Variants in CCSER1 observed in about 807,000 individuals in gnomAD.
CCSER1 encodes the protein serine-rich coiled-coil domain-containing protein 1.
CCSER1 carries 41 observed loss-of-function variants against 82.0 expected under a neutral mutation model. The observed-to-expected ratio is 0.50, with a 90% confidence interval of 0.39 to 0.65. The LOEUF is 0.65. CCSER1 is among the 30% of genes least tolerant of loss of function. The pLI is 0.00. For missense variants in CCSER1, 1,119 were observed against 1,064.2 expected, an observed-to-expected ratio of 1.05 and a Z score of -0.72; for synonymous variants, 414 against 383.9, an observed-to-expected ratio of 1.08 and a Z score of -0.92.
At chr4:91,441,182 G>C (rs540105432) in intron 10 of CCSER1, among the ~76,000 whole-genome samples, 1 of 151,968 alleles carries the variant, frequency 6.6e-6, no homozygotes, top group Non-Finnish European at 1.5e-5. Flanking sequence ...GAGAGTTTTA[G>C]ACCAATATCC....
At chr4:91,106,530 GGTCT>G (rs371457777) in intron 10 of CCSER1, among the ~76,000 whole-genome samples, 25 of 151,940 alleles carry the variant, frequency 1.6e-4, no homozygotes, top group African/African-American at 5.8e-4. Flanking sequence ...TCTTTCCCAT[GGTCT>G]GTCTATCTTG....
intron 6 of CCSER1, among the ~76,000 whole-genome samples, chr4:90,650,388 T>C (rs1728525536): frequency 6.6e-6 from 1 of 152,060 alleles, no homozygotes; most frequent in Non-Finnish European, 1.5e-5. Flanking sequence ...AGTTCTTAAT[T>C]AAGGAAAGGA....
chr4:91,402,105 G>A (rs1382186351), intron 10 of CCSER1, among the ~76,000 whole-genome samples: 1 of 152,138 alleles, frequency 6.6e-6, no homozygotes, highest in African/African-American at 2.4e-5. Flanking sequence ...GGTGTGAGAT[G>A]GTATCTCATT....
intron 7 of CCSER1, among the ~76,000 whole-genome samples, chr4:90,789,249 T>C (rs1580473993): frequency 6.6e-6 from 1 of 152,172 alleles, no homozygotes; most frequent in East Asian, 1.9e-4. Context: ...TCAGTCTTAG[T>C]TTATTTCCTC....
At chr4:90,950,140 C>T (rs1411643680) in intron 9 of CCSER1, among the ~76,000 whole-genome samples, 2 of 152,018 alleles carry the variant, frequency 1.3e-5, no homozygotes, top group Non-Finnish European at 2.9e-5. Context: ...CTAACCTGGA[C>T]TACCTGCTAA....
intron 9 of CCSER1, among the ~76,000 whole-genome samples, chr4:90,938,091 CTTTTTGTAAAAAGGGTG>C: frequency 6.6e-6 from 1 of 152,048 alleles, no homozygotes; most frequent in Non-Finnish European, 1.5e-5. Context: ...AATGAAGTCT[CTTTTTGTAAAAAGGGTG>C]ACATATTTTG....
chr4:91,503,716 G>A (rs1466002197), intron 10 of CCSER1, among the ~76,000 whole-genome samples: 1 of 152,018 alleles, frequency 6.6e-6, no homozygotes, highest in South Asian at 2.1e-4. Context: ...TAATATGTGC[G>A]TAAAAAAACT....
chr4:90,239,799 T>A (rs1299377762), intron 1 of CCSER1, among the ~76,000 whole-genome samples: 3 of 152,178 alleles, frequency 2.0e-5, no homozygotes, highest in Admixed American at 2.0e-4. Flanking sequence ...TATTTGTTCT[T>A]AGTTGTAGCT....
intron 10 of CCSER1, among the ~76,000 whole-genome samples, chr4:91,178,664 T>A (rs1360308803): frequency 2.0e-5 from 3 of 152,218 alleles, no homozygotes; most frequent in African/African-American, 7.2e-5. Flanking sequence ...GCTTGGTTGA[T>A]CTTCCTCCAT....
rs748145121 is a variant in CCSER1, at chr4:90,173,350, T to A, written c.-42+45519T>A. On this transcript the variant is annotated intron_variant, in intron 1 of 10. Transcript: ENST00000509176. ...ATTGTGTTTTTTTTCAAAAAAAAAA[T>A]GATTCTTCAGGATAAATATTTCAAG... Among the ~76,000 whole-genome samples the A allele has an allele frequency of 8.5e-4, 125 of 146,826 alleles. 1 individual carries two copies. The highest frequency in any genetic ancestry group is 7.1e-3 in the Middle Eastern group (2 of 282).
chr4:91,003,858 A>G (rs1188376182), intron 9 of CCSER1, among the ~76,000 whole-genome samples: 1 of 152,146 alleles, frequency 6.6e-6, no homozygotes, highest in African/African-American at 2.4e-5. Context: ...CAGGGAAGAA[A>G]TGGCCTGCTA....
At chr4:90,689,973 T>C (rs1184151438) in intron 6 of CCSER1, among the ~76,000 whole-genome samples, 3 of 152,072 alleles carry the variant, frequency 2.0e-5, no homozygotes, top group Non-Finnish European at 4.4e-5. Flanking sequence ...AGGGCATTCC[T>C]CTGAAGGGTG....
At chr4:90,553,281 A>C (rs1268444378) in intron 5 of CCSER1, among the ~76,000 whole-genome samples, 2 of 152,134 alleles carry the variant, frequency 1.3e-5, no homozygotes, top group East Asian at 3.9e-4. Context: ...ACTTTTTTTC[A>C]AATATAACTT....
intron 10 of CCSER1, among the ~76,000 whole-genome samples, chr4:91,231,360 A>G (rs938767937): frequency 2.0e-5 from 3 of 151,946 alleles, no homozygotes; most frequent in South Asian, 2.1e-4. Flanking sequence ...AAATGTGAGT[A>G]TAGGATAATT....
intron 10 of CCSER1, among the ~76,000 whole-genome samples, chr4:91,329,350 A>G (rs961291174): frequency 2.6e-5 from 4 of 152,234 alleles, no homozygotes; most frequent in Admixed American, 2.6e-4. Flanking sequence ...TTTACAATTT[A>G]CTAAGTAGAA....
chr4:91,218,952 C>T (rs1737515067), intron 10 of CCSER1, among the ~76,000 whole-genome samples: 1 of 152,074 alleles, frequency 6.6e-6, no homozygotes, highest in South Asian at 2.1e-4. Flanking sequence ...CATTTTGCTA[C>T]CACAAAGAGA....
intron 9 of CCSER1, among the ~76,000 whole-genome samples, chr4:91,048,840 C>T (rs1465077477): frequency 6.6e-6 from 1 of 152,164 alleles, no homozygotes; most frequent in African/African-American, 2.4e-5. Context: ...CTCAAGTACA[C>T]ACTGCATTAC....
chr4:91,498,429 G>T, intron 10 of CCSER1, among the ~76,000 whole-genome samples: 1 of 148,810 alleles, frequency 6.7e-6, no homozygotes, highest in African/African-American at 2.5e-5. Context: ...TCACTCCTGA[G>T]TTTATCCATC....
At chr4:90,588,857 C>T (rs1782344979) in intron 5 of CCSER1, among the ~76,000 whole-genome samples, 1 of 152,176 alleles carries the variant, frequency 6.6e-6, no homozygotes, top group African/African-American at 2.4e-5. Flanking sequence ...TGAGCTCTCC[C>T]AAGCCACATG....
Sources: gnomAD v4.1 joint callset for allele counts (sites outside exome capture counted in the v4.1 genomes callset) on GRCh38, gnomAD v4.1.1 for gene constraint, MANE v1.5 for transcripts, NCBI Gene and HGNC (gene_info 2026-07-23, HGNC 2026-07-21) for gene names.